The following ARHGAP6 variants were observed in gnomAD, a reference collection of about 807,000 sequenced individuals.
The protein encoded by ARHGAP6 is Rho GTPase activating protein 6.
Under a neutral mutation model 55.7 loss-of-function variants are expected in ARHGAP6, and 16 were observed. The ratio of observed to expected loss-of-function variants is 0.29; its 90% CI spans 0.19 to 0.44. The LOEUF is 0.44. Among genes scored for constraint, ARHGAP6 ranks in the 20% least tolerant of loss-of-function variants. The pLI is 1.00. For synonymous variants in ARHGAP6, 382 were observed against 360.9 expected (o/e 1.06, Z -0.66); for missense variants, 698 against 808.9 (o/e 0.86, Z 1.66).
intron 1 of ARHGAP6, among the ~76,000 whole-genome samples, chrX:11,405,922 T>A (rs1417714307): frequency 9.0e-6 from 1 of 111,326 alleles, no homozygotes; most frequent in African/African-American, 3.3e-5. Context: ...AAGGAATTTT[T>A]TTTTAGATAG....
At chrX:11,460,284 G>A (rs2050231877) in intron 1 of ARHGAP6, among the ~76,000 whole-genome samples, 2 of 111,527 alleles carry the variant, frequency 1.8e-5, no homozygotes, top group South Asian at 7.6e-4. Flanking sequence ...TGCAACCCCT[G>A]GCTGACAGCT....
At chrX:11,140,056 G>T (rs776152329) in intron 12 of ARHGAP6, among the ~76,000 whole-genome samples, 146 of 111,086 alleles carry the variant, frequency 1.3e-3, no homozygotes, top group Non-Finnish European at 1.6e-3. Flanking sequence ...GGCTGACTTG[G>T]TGATCACCCA....
At chrX:11,390,140 C>T (rs1244780843) in intron 1 of ARHGAP6, among the ~76,000 whole-genome samples, 3 of 111,987 alleles carry the variant, frequency 2.7e-5, no homozygotes, top group African/African-American at 9.7e-5. Context: ...CAGCTTTCTA[C>T]ATATGGCTAG....
At chrX:11,175,429 T>G (rs751036553) in intron 8 of ARHGAP6, among the ~76,000 whole-genome samples, 4 of 112,254 alleles carry the variant, frequency 3.6e-5, no homozygotes, top group Non-Finnish European at 7.5e-5. Flanking sequence ...AAACCCTGGC[T>G]TCCTTTTACA....
At chrX:11,419,101 T>A (rs2049789423) in intron 1 of ARHGAP6, among the ~76,000 whole-genome samples, 1 of 112,009 alleles carries the variant, frequency 8.9e-6, no homozygotes, top group South Asian at 3.7e-4. Context: ...TCTCTGTATT[T>A]TGCCCTTGCT....
chrX:11,416,934 T>C (rs1410353212), intron 1 of ARHGAP6, among the ~76,000 whole-genome samples: 1 of 106,287 alleles, frequency 9.4e-6, no homozygotes, highest in East Asian at 2.9e-4. Context: ...GGAGATAAAC[T>C]CTGCCGTGTT....
At chrX:11,287,253 T>C (rs187752380) in intron 1 of ARHGAP6, among the ~76,000 whole-genome samples, 132 of 111,961 alleles carry the variant, frequency 1.2e-3, no homozygotes, top group African/African-American at 3.9e-3. Flanking sequence ...AAACATTATG[T>C]TCTGTATTTT....
chrX:11,598,795 G>A (rs749494114), intron 1 of ARHGAP6, among the ~76,000 whole-genome samples: 15 of 111,625 alleles, frequency 1.3e-4, no homozygotes, highest in Non-Finnish European at 2.6e-4. Context: ...GGTGGCTCGC[G>A]CCTGTAATCC....
At chrX:11,585,839 G>A (rs2051727027) in intron 1 of ARHGAP6, among the ~76,000 whole-genome samples, 1 of 111,618 alleles carries the variant, frequency 9.0e-6, no homozygotes, top group African/African-American at 3.3e-5. Flanking sequence ...GAGGCCTCAG[G>A]GAACCTATAA....
chrX:11,381,180 T>G (rs185846119), intron 1 of ARHGAP6, among the ~76,000 whole-genome samples: 1 of 112,577 alleles, frequency 8.9e-6, no homozygotes, highest in East Asian at 2.8e-4. Context: ...TCATCCAAAC[T>G]CTGTTTGGAA....
chrX:11,543,477 C>T (rs1225604178), intron 1 of ARHGAP6, among the ~76,000 whole-genome samples: 1 of 112,217 alleles, frequency 8.9e-6, no homozygotes, highest in African/African-American at 3.2e-5. Context: ...TGCTGCTAAA[C>T]ATCTTCAATG....
rs59069029 is a variant in ARHGAP6 at position 11,521,472 on chromosome X, G to A, written c.588+142769C>T. ...AGTCAAAGATCAGATAGTTGTAGAT[G>A]TGTGGTATTATTTCTGAGGGCTCTG... On this transcript the variant is annotated intron_variant, in intron 1 of 12. Transcript: ENST00000337414. 6.9e-3 allele frequency among the ~76,000 whole-genome samples: 767 copies of A among 111,563 alleles called. 9 individuals are homozygous for A. The highest frequency in any genetic ancestry group is 0.024 in the African/African-American group (732 of 30,725).
At chrX:11,510,654 T>C (rs2147866396) in intron 1 of ARHGAP6, among the ~76,000 whole-genome samples, 1 of 111,399 alleles carries the variant, frequency 9.0e-6, no homozygotes, top group South Asian at 3.8e-4. Flanking sequence ...GCTTGCATTG[T>C]GCACTCCCAA....
At chrX:11,630,949 G>A (rs1271035080) in intron 1 of ARHGAP6, among the ~76,000 whole-genome samples, 1 of 111,054 alleles carries the variant, frequency 9.0e-6, no homozygotes, top group Non-Finnish European at 1.9e-5. Context: ...CGAGAGGATG[G>A]GATGGAGTAA....
intron 1 of ARHGAP6, among the ~76,000 whole-genome samples, chrX:11,465,457 A>C (rs1036389548): frequency 8.9e-6 from 1 of 112,527 alleles, no homozygotes. Flanking sequence ...TAAGTAGTTG[A>C]AACTGACTTT....
chrX:11,227,825 A>G (rs1349646225), intron 2 of ARHGAP6, among the ~76,000 whole-genome samples: 1 of 107,941 alleles, frequency 9.3e-6, no homozygotes, highest in African/African-American at 3.4e-5. Flanking sequence ...ACTGATTGAA[A>G]TCTTGTGCCA....
chrX:11,285,153 C>T (rs949827283), intron 1 of ARHGAP6, among the ~76,000 whole-genome samples: 4 of 99,275 alleles, frequency 4.0e-5, no homozygotes, highest in Non-Finnish European at 6.1e-5. Flanking sequence ...AGATGAACAA[C>T]CACACAGATT....
chrX:11,263,474 A>G (rs1787164076), intron 1 of ARHGAP6, among the ~76,000 whole-genome samples: 1 of 112,073 alleles, frequency 8.9e-6, no homozygotes, highest in African/African-American at 3.2e-5. Flanking sequence ...ACTTGGAAGT[A>G]TTAGAGACAC....
intron 1 of ARHGAP6, among the ~76,000 whole-genome samples, chrX:11,258,028 G>A (rs1275619703): frequency 3.6e-5 from 4 of 111,036 alleles, no homozygotes; most frequent in Non-Finnish European, 7.5e-5. Flanking sequence ...CAGAAGTCAG[G>A]GCCAGATTCT....
Sources: gnomAD v4.1 joint callset for allele counts (sites outside exome capture counted in the v4.1 genomes callset) on GRCh38, gnomAD v4.1.1 for gene constraint, MANE v1.5 for transcripts, NCBI Gene and HGNC (gene_info 2026-07-23, HGNC 2026-07-21) for gene names.